Variants in CNTN1 observed in about 807,000 individuals in gnomAD.
CNTN1 encodes the protein contactin 1.
In CNTN1, 38 loss-of-function variants were observed where a neutral mutation model predicts 126.4. The ratio of observed to expected loss-of-function variants is 0.30; its 90% confidence interval spans 0.23 to 0.39. The LOEUF is 0.39. Ranked by LOEUF, CNTN1 falls within the 10% of genes least tolerant of loss-of-function variation. The pLI is 1.00. For synonymous variants in CNTN1, 413 were observed against 422.6 expected (o/e 0.98, Z 0.28); for missense variants, 1,009 against 1,248.4 (o/e 0.81, Z 2.89).
At chr12:41,053,436 T>TATATATATATATATATATAA (rs2085455404) in intron 23 of CNTN1, among the ~76,000 whole-genome samples, 1 of 102,062 alleles carries the variant, frequency 9.8e-6, no homozygotes, top group African/African-American at 4.3e-5. Flanking sequence ...TAAATATATA[T>TATATATATATATATATATAA]ATATATATAT....
At chr12:40,710,128 A>T (rs908197234) in intron 1 of CNTN1, among the ~76,000 whole-genome samples, 1 of 151,998 alleles carries the variant, frequency 6.6e-6, no homozygotes, top group Non-Finnish European at 1.5e-5. Flanking sequence ...ATTTTATTTG[A>T]CTTTTTTCCC....
At chr12:41,000,651 T>C (rs1712042869) in intron 17 of CNTN1, among the ~76,000 whole-genome samples, 1 of 152,142 alleles carries the variant, frequency 6.6e-6, no homozygotes. Flanking sequence ...AATTTTAAGT[T>C]AAGAGGTACA....
chr12:40,765,653 G>C (rs1024991253), intron 1 of CNTN1, among the ~76,000 whole-genome samples: 10 of 152,180 alleles, frequency 6.6e-5, no homozygotes, highest in African/African-American at 2.4e-4. Context: ...TATGAGAACA[G>C]AAAAATGACT....
chr12:40,939,432 G>A lies in CNTN1; in HGVS notation c.1326G>A (p.Pro442=), dbSNP rs1382743416. ...VIIECKPKAA[P]KPKFSWSKGT... ...TTGAATGCAAACCTAAAGCTGCACCGAAACCAAAGTTTTCATGGAGTAAAG... is the reference window on the plus strand; with the variant it reads ...TTGAATGCAAACCTAAAGCTGCACCAAAACCAAAGTTTTCATGGAGTAAAG... Residue 442 remains proline, a synonymous_variant, in exon 12 of 24, where the codon CCG becomes CCA. Transcript: ENST00000551295. The A allele has an allele frequency of 8.1e-6, 13 of 1,613,790 alleles. No individual in the cohort carries two copies. Among genetic ancestry groups the A allele is most frequent in the East Asian group, 2.2e-5 (1 of 44,842 alleles).
At chr12:40,725,506 C>T (rs952563167) in intron 1 of CNTN1, among the ~76,000 whole-genome samples, 17 of 151,680 alleles carry the variant, frequency 1.1e-4, no homozygotes, top group African/African-American at 3.9e-4. Context: ...AATCTTTTCC[C>T]AGCCCAGCCT....
intron 23 of CNTN1, among the ~76,000 whole-genome samples, chr12:41,046,760 C>CTAGTTTATT (rs1307428397): frequency 1.3e-5 from 2 of 150,670 alleles, no homozygotes; most frequent in African/African-American, 4.9e-5. Flanking sequence ...TCTTCTTTTT[C>CTAGTTTATT]TAGTTTATTT....
intron 1 of CNTN1, among the ~76,000 whole-genome samples, chr12:40,818,836 ACCTTTGGATGG>A (rs1439120416): frequency 1.3e-5 from 2 of 151,802 alleles, no homozygotes; most frequent in Non-Finnish European, 2.9e-5. Context: ...GAGGCTGCTG[ACCTTTGGATGG>A]GGTTTTTCTG....
intron 1 of CNTN1, among the ~76,000 whole-genome samples, chr12:40,848,706 A>G (rs1164384654): frequency 6.6e-6 from 1 of 152,080 alleles, no homozygotes; most frequent in East Asian, 1.9e-4. Flanking sequence ...TCTGGTTCCT[A>G]GCAAAGGTAC....
intron 1 of CNTN1, among the ~76,000 whole-genome samples, chr12:40,774,602 G>A (rs1019631177): frequency 1.3e-5 from 2 of 151,802 alleles, no homozygotes; most frequent in East Asian, 3.9e-4. Flanking sequence ...ATGTGATAAA[G>A]TCTGCTTTAT....
At chr12:41,051,893 A>AACACACAC (rs71078300) in intron 23 of CNTN1, among the ~76,000 whole-genome samples, 21 of 134,586 alleles carry the variant, frequency 1.6e-4, no homozygotes, top group South Asian at 7.4e-4. Flanking sequence ...ACCCCACACA[A>AACACACAC]ACACACACAC....
At chr12:40,792,951 G>A (rs113133399) in intron 1 of CNTN1, among the ~76,000 whole-genome samples, 2 of 152,044 alleles carry the variant, frequency 1.3e-5, no homozygotes, top group African/African-American at 2.4e-5. Flanking sequence ...TTCCCTTTGT[G>A]GGGGGAGATT....
chr12:40,916,325 C>G (rs1592251425), intron 3 of CNTN1, among the ~76,000 whole-genome samples: 1 of 152,092 alleles, frequency 6.6e-6, no homozygotes, highest in East Asian at 1.9e-4. Context: ...CTAAATTGCT[C>G]CAGTCAGAAA....
At chr12:40,693,700 G>T (rs1941367140) in intron 1 of CNTN1, among the ~76,000 whole-genome samples, 1 of 152,134 alleles carries the variant, frequency 6.6e-6, no homozygotes, top group African/African-American at 2.4e-5. Flanking sequence ...GCTATATATA[G>T]CTCCTGCATA....
At position 41,029,322 on chromosome 12, in the gene CNTN1, T is replaced by A. The variant is rs1289094386; in HGVS notation, c.2980+103T>A. On this transcript the variant is annotated intron_variant, in intron 23 of 23. Transcript: ENST00000551295. Reference sequence around the variant, plus strand: ...TAAGCCTGATACACCAGTGTCCATATTTTCCTAAGTAGATTGGACATATCA... The same window carrying A: ...TAAGCCTGATACACCAGTGTCCATAATTTCCTAAGTAGATTGGACATATCA... The A allele has an allele frequency of 4.7e-6, 6 of 1,286,606 alleles. No individual in the cohort carries two copies. The Admixed American group carries it at 1.0e-4, about 22-fold the overall frequency. 79.7% of individuals were successfully genotyped at this position (1,286,606 alleles called of 1,614,324 possible).
intron 1 of CNTN1, among the ~76,000 whole-genome samples, chr12:40,855,009 T>C (rs1482593706): frequency 6.6e-6 from 1 of 152,070 alleles, no homozygotes; most frequent in Non-Finnish European, 1.5e-5. Context: ...TTAGATTGTA[T>C]TAAGAAGACA....
intron 1 of CNTN1, among the ~76,000 whole-genome samples, chr12:40,838,625 C>G (rs1942159872): frequency 6.6e-6 from 1 of 152,170 alleles, no homozygotes; most frequent in African/African-American, 2.4e-5. Context: ...ACCACAGCCT[C>G]CACTAATAAC....
chr12:40,876,560 C>T (rs1440333328), intron 1 of CNTN1, among the ~76,000 whole-genome samples: 2 of 151,968 alleles, frequency 1.3e-5, no homozygotes, highest in African/African-American at 4.8e-5. Context: ...TTTTAGGATA[C>T]TAGAGCCAAT....
chr12:40,840,314 G>A (rs967404332), intron 1 of CNTN1, among the ~76,000 whole-genome samples: 6 of 151,824 alleles, frequency 4.0e-5, no homozygotes, highest in African/African-American at 1.5e-4. Context: ...ATATATACAT[G>A]TACTCAACAC....
intron 1 of CNTN1, among the ~76,000 whole-genome samples, chr12:40,757,112 G>A (rs138386459): frequency 2.6e-5 from 4 of 152,174 alleles, no homozygotes; most frequent in African/African-American, 4.8e-5. Flanking sequence ...CCTTCTTGCT[G>A]TAACCTCATA....
Sources: allele counts gnomAD v4.1 joint callset (sites outside exome capture counted in the v4.1 genomes callset), GRCh38; gene constraint gnomAD v4.1.1; transcripts MANE v1.5; gene names NCBI Gene and HGNC (gene_info 2026-07-23, HGNC 2026-07-21).